MECOM: variants seen among roughly 807,000 people sequenced by gnomAD.
MECOM encodes the protein histone-lysine N-methyltransferase MECOM.
In MECOM, 13 loss-of-function variants were observed where a neutral mutation model predicts 116.3. That is an observed-to-expected ratio of 0.11 (90% CI 0.07 to 0.18). The LOEUF (loss-of-function observed/expected upper bound fraction) is 0.18. Among genes scored for constraint, MECOM ranks in the 10% least tolerant of loss-of-function variants. The probability of loss-of-function intolerance (pLI) is 1.00; values close to 1 mark genes in which losing one functional copy is unlikely to be tolerated. For synonymous variants in MECOM, 528 were observed against 535.2 expected, an observed-to-expected ratio of 0.99 and a Z score of 0.19; for missense variants, 1,299 against 1,509.0, an observed-to-expected ratio of 0.86 and a Z score of 2.31.
At chr3:169,101,602 A>G (rs1723575136) in intron 11 of MECOM, among the ~76,000 whole-genome samples, 1 of 152,206 alleles carries the variant, frequency 6.6e-6, no homozygotes, top group Non-Finnish European at 1.5e-5. Flanking sequence ...AACCAGAAAC[A>G]TAAAATAAGC....
At chr3:169,296,611 G>C (rs972577964) in intron 2 of MECOM, among the ~76,000 whole-genome samples, 1 of 152,160 alleles carries the variant, frequency 6.6e-6, no homozygotes, top group Non-Finnish European at 1.5e-5. Flanking sequence ...TTGTTTACCA[G>C]CTTTTCCCAG....
At chr3:169,146,780 T>G in intron 2 of MECOM, 1 of 1,146,320 alleles carries the variant, frequency 8.7e-7, no homozygotes, top group Non-Finnish European at 1.1e-6. Context: ...AGAATCAAAA[T>G]AAACAAAATA....
At chr3:169,654,178 T>A (rs1412684020) in intron 1 of MECOM, among the ~76,000 whole-genome samples, 1 of 152,222 alleles carries the variant, frequency 6.6e-6, no homozygotes, top group African/African-American at 2.4e-5. Flanking sequence ...CTCAGTCAAA[T>A]CTTTATCAGG....
chr3:169,243,294 G>C (rs1477476856), intron 2 of MECOM, among the ~76,000 whole-genome samples: 2 of 152,094 alleles, frequency 1.3e-5, no homozygotes, highest in African/African-American at 4.8e-5. Flanking sequence ...TGTTCTAATA[G>C]CTTTCTCATT....
At chr3:169,480,859 AG>A (rs1447914768) in intron 1 of MECOM, among the ~76,000 whole-genome samples, 2 of 151,894 alleles carry the variant, frequency 1.3e-5, no homozygotes, top group Non-Finnish European at 2.9e-5. Context: ...ACACATTAAA[AG>A]ATGCCATTTT....
At chr3:169,487,634 TA>T (rs1752564637) in intron 1 of MECOM, among the ~76,000 whole-genome samples, 1 of 151,138 alleles carries the variant, frequency 6.6e-6, no homozygotes, top group Non-Finnish European at 1.5e-5. Context: ...GCAGGGCAAA[TA>T]CAAAACAGAA....
intron 2 of MECOM, chr3:169,147,377 A>C (rs940693418): frequency 1.0e-6 from 1 of 985,480 alleles, no homozygotes; most frequent in Non-Finnish European, 1.2e-6. Context: ...TTTCTATTTC[A>C]TGAACTGTCT....
At chr3:169,148,621 T>C (rs1311099278) in intron 2 of MECOM, among the ~76,000 whole-genome samples, 2 of 152,124 alleles carry the variant, frequency 1.3e-5, no homozygotes, top group Admixed American at 6.5e-5. Flanking sequence ...CTAGGGACAC[T>C]TGCGGGGGAG....
chr3:169,128,761 AC>A (rs758427766), intron 4 of MECOM, among the ~76,000 whole-genome samples: 1 of 152,198 alleles, frequency 6.6e-6, no homozygotes, highest in Non-Finnish European at 1.5e-5. Context: ...TAAATAGAAA[AC>A]ATATCATTAA....
rs986001119 is a variant in MECOM at position 169,256,747 on chromosome 3, G to A, written c.376-112915C>T. 2.6e-5 allele frequency among the ~76,000 whole-genome samples: 4 copies of A among 152,186 alleles called. No homozygotes were observed. In the South Asian group the frequency reaches 6.2e-4, roughly 24 times the overall value. ...AAGGTTCAGTGAAGAGAGGTCCTGA[G>A]CCATAGGACAGGAAAGATGCCTGGG... On this transcript the variant is annotated intron_variant, in intron 2 of 16. Coordinates refer to ENST00000651503, the MANE Select transcript of MECOM (RefSeq NM_004991.4).
chr3:169,211,570 T>A (rs953460088), intron 2 of MECOM, among the ~76,000 whole-genome samples: 1 of 152,190 alleles, frequency 6.6e-6, no homozygotes, highest in Non-Finnish European at 1.5e-5. Context: ...TTCACAGATT[T>A]GCATGGCTCA....
At chr3:169,503,312 CGTT>C (rs2108987455) in intron 1 of MECOM, among the ~76,000 whole-genome samples, 1 of 152,164 alleles carries the variant, frequency 6.6e-6, no homozygotes, top group South Asian at 2.1e-4. Flanking sequence ...ACAAAGAAAA[CGTT>C]GGTGAAACCA....
intron 1 of MECOM, among the ~76,000 whole-genome samples, chr3:169,475,352 C>T (rs923778840): frequency 1.2e-4 from 18 of 152,090 alleles, no homozygotes; most frequent in African/African-American, 2.9e-4. Flanking sequence ...TTTATCAAGA[C>T]GGTTGAAGTG....
intron 2 of MECOM, among the ~76,000 whole-genome samples, chr3:169,369,402 A>G (rs1024205252): frequency 7.3e-6 from 1 of 137,476 alleles, no homozygotes; most frequent in Admixed American, 8.2e-5. Flanking sequence ...GCTGGAATGC[A>G]TTAGGATGAA....
At chr3:169,476,104 G>C (rs1285454119) in intron 1 of MECOM, among the ~76,000 whole-genome samples, 1 of 152,184 alleles carries the variant, frequency 6.6e-6, no homozygotes, top group Non-Finnish European at 1.5e-5. Flanking sequence ...ATAAGCAGCA[G>C]AGGGAGAGGA....
intron 1 of MECOM, among the ~76,000 whole-genome samples, chr3:169,660,362 A>G (rs369322174): frequency 6.6e-6 from 1 of 152,270 alleles, no homozygotes; most frequent in African/African-American, 2.4e-5. Context: ...CAACGAATTT[A>G]TCGGTTTCAA....
intron 2 of MECOM, chr3:169,149,807 T>A (rs1467685590): frequency 2.6e-6 from 1 of 383,526 alleles, no homozygotes; most frequent in Non-Finnish European, 5.3e-6. Flanking sequence ...ATTAATATCA[T>A]CATTATCGTC....
At chr3:169,517,155 G>A (rs926602408) in intron 1 of MECOM, among the ~76,000 whole-genome samples, 20 of 152,208 alleles carry the variant, frequency 1.3e-4, no homozygotes, top group East Asian at 7.7e-4. Flanking sequence ...ATCATTCCCC[G>A]GGCAGGAAGC....
intron 1 of MECOM, among the ~76,000 whole-genome samples, chr3:169,430,894 T>A (rs1741506990): frequency 1.3e-5 from 2 of 152,200 alleles, no homozygotes; most frequent in South Asian, 4.1e-4. Flanking sequence ...AAAAATGGTA[T>A]CACAAGGCCT....
Sources: allele counts gnomAD v4.1 joint callset (sites outside exome capture counted in the v4.1 genomes callset), GRCh38; gene constraint gnomAD v4.1.1; transcripts MANE v1.5; gene names NCBI Gene and HGNC (gene_info 2026-07-23, HGNC 2026-07-21).